Variants in TRPV1 observed in about 807,000 individuals in gnomAD.
The protein encoded by TRPV1 is OTRPC1.
In TRPV1, 82 loss-of-function variants were observed where a neutral mutation model predicts 82.3. The observed-to-expected ratio is 1.00, with a 90% confidence interval of 0.83 to 1.20. The LOEUF is 1.20. TRPV1 is among the 50% of genes most tolerant of loss of function. The pLI is 0.00. For synonymous variants in TRPV1, 515 were observed against 467.7 expected, an observed-to-expected ratio of 1.10 and a Z score of -1.30; for missense variants, 1,067 against 1,096.8, an observed-to-expected ratio of 0.97 and a Z score of 0.38.
intron 2 of TRPV1, among the ~76,000 whole-genome samples, chr17:3,598,808 C>A (rs893240893): frequency 2.0e-5 from 3 of 150,580 alleles, no homozygotes; most frequent in African/African-American, 7.3e-5. Flanking sequence ...CTCAAGTGAT[C>A]CACCTGCCTC....
At chr17:3,599,223 G>A (rs1257423936) in intron 2 of TRPV1, among the ~76,000 whole-genome samples, 3 of 151,984 alleles carry the variant, frequency 2.0e-5, no homozygotes, top group African/African-American at 7.3e-5. Flanking sequence ...TCGGCAACAA[G>A]AGCGAAACTC....
chr17:3,590,751 C>T (rs1423904101), intron 5 of TRPV1, among the ~76,000 whole-genome samples: 1 of 152,094 alleles, frequency 6.6e-6, no homozygotes, highest in African/African-American at 2.4e-5. Flanking sequence ...AGAGAGGAGA[C>T]ATCAGATCGG....
chr17:3,571,278 G>T (rs1238125750), intron 16 of TRPV1, among the ~76,000 whole-genome samples: 3 of 152,216 alleles, frequency 2.0e-5, no homozygotes, highest in Admixed American at 2.0e-4. Context: ...GGCTGGAGGT[G>T]CTGGCACAGC....
At chr17:3,596,635 A>G (rs886407728) in intron 2 of TRPV1, among the ~76,000 whole-genome samples, 2 of 152,166 alleles carry the variant, frequency 1.3e-5, no homozygotes, top group African/African-American at 4.8e-5. Context: ...CAGGAGCAAC[A>G]AGAACAAACC....
chr17:3,589,114 G>C, intron 7 of TRPV1: 1 of 714,416 alleles, frequency 1.4e-6, no homozygotes, highest in South Asian at 1.7e-5. Context: ...ACCAGCTGGA[G>C]CTGGGAGCTG....
At position 3,585,884 on chromosome 17, in the gene TRPV1, G is replaced by C. The variant is rs772021954; in HGVS notation, c.1267C>G (p.Leu423Val). ...MLLVEPLNRL[L>V]QDKWDRFVKR... Reference sequence around the variant, plus strand: ...ACGAATCTGTCCCACTTGTCCTGCAGGAGTCGGTTCAGCGGCTCCACCAAG... The same window carrying C: ...ACGAATCTGTCCCACTTGTCCTGCACGAGTCGGTTCAGCGGCTCCACCAAG... Residue 423 changes from leucine to valine, a missense_variant, in exon 9 of 17, where the codon CTG becomes GTG. Leu to Val is a conservative substitution (Grantham distance 32). Coordinates refer to ENST00000572705, the MANE Select transcript of TRPV1 (RefSeq NM_080704.4). 14 of 1,613,828 alleles carry C rather than the reference G, an allele frequency of 8.7e-6. No individual in the cohort carries two copies. Among genetic ancestry groups the C allele is most frequent in the African/African-American group, 1.3e-5 (1 of 74,918 alleles).
intron 11 of TRPV1, 50 bp from the exon 12 acceptor site, chr17:3,577,813 G>A (rs1344404237): frequency 6.5e-7 from 1 of 1,541,196 alleles, no homozygotes; most frequent in Non-Finnish European, 8.8e-7. Context: ...CAGGAGGCCT[G>A]GCACCCCCAG....
chr17:3,599,180 A>C (rs2075243974), intron 2 of TRPV1, among the ~76,000 whole-genome samples: 1 of 152,044 alleles, frequency 6.6e-6, no homozygotes. Flanking sequence ...TGGAGGTTGC[A>C]GTGAACCAAG....
chr17:3,570,326 C>T (rs1274449156), intron 16 of TRPV1, among the ~76,000 whole-genome samples: 6 of 150,260 alleles, frequency 4.0e-5, no homozygotes, highest in African/African-American at 1.2e-4. Context: ...ACCCAGATCA[C>T]GCCACTGCAC....
chr17:3,596,532 A>G (rs913531370), intron 2 of TRPV1, among the ~76,000 whole-genome samples: 1 of 151,982 alleles, frequency 6.6e-6, no homozygotes, highest in Non-Finnish European at 1.5e-5. Context: ...GCGCTCGTCC[A>G]CTCCACAGAG....
intron 2 of TRPV1, among the ~76,000 whole-genome samples, chr17:3,596,765 G>A (rs770643835): frequency 8.5e-5 from 13 of 152,334 alleles, no homozygotes; most frequent in South Asian, 4.1e-4. Flanking sequence ...ACTACCCCCC[G>A]TTTTCAGATA....
chr17:3,593,913 T>G (rs1373499840), intron 2 of TRPV1, among the ~76,000 whole-genome samples: 1 of 151,628 alleles, frequency 6.6e-6, no homozygotes, highest in Non-Finnish European at 1.5e-5. Context: ...TCACCTGAGG[T>G]CAGGAGTTCG....
chr17:3,582,025 C>T lies in TRPV1; in HGVS notation c.1476+1313G>A, dbSNP rs1462785335. Among the ~76,000 whole-genome samples, 3 of 146,068 alleles carry T rather than the reference C, an allele frequency of 2.1e-5. 1 individual carries two copies. The highest frequency in any genetic ancestry group is 5.0e-5 in the African/African-American group (2 of 39,756). The stretch of plus-strand genomic sequence containing the variant: ...CTAACACGGTGAAACCCCGTCTCTA[C>T]TAAAAATACAAAAAATTAGCCGGGC... On this transcript the variant is annotated intron_variant, in intron 10 of 16. Transcript: ENST00000572705.
intron 16 of TRPV1, among the ~76,000 whole-genome samples, chr17:3,567,650 G>A (rs970400255): frequency 6.6e-6 from 1 of 151,820 alleles, no homozygotes; most frequent in Non-Finnish European, 1.5e-5. Flanking sequence ...GAGCAACGCC[G>A]AGGCCTGTCC....
Position 3,592,251 on chromosome 17 carries a change from G to A in TRPV1, c.100C>T (p.Pro34Ser), listed in dbSNP as rs755131423. 3 of 1,609,422 alleles carry A rather than the reference G, an allele frequency of 1.9e-6. No homozygotes were observed. The change falls in exon 3 of 17, where the codon CCT becomes TCT. Residue 34 changes from proline (P) to serine (S), a missense_variant. Physicochemically the swap from Pro to Ser is moderately conservative, Grantham distance 74. Transcript: ENST00000572705. ...GTGGAGAGCTGGGGCTTGGCTGGAG[G>A]TGGCCTGGAGTTAGGGTCTCCATCC... ...PLDGDPNSRP[P>S]PAKPQLSTAK...
chr17:3,591,885 A>G (rs1597544894), intron 3 of TRPV1, among the ~76,000 whole-genome samples, 182 bp downstream of exon 3: 1 of 152,158 alleles, frequency 6.6e-6, no homozygotes, highest in African/African-American at 2.4e-5. Context: ...CAGCACAGAC[A>G]CCAGCCCCCG....
At chr17:3,572,058 C>T (rs1200464904) in intron 15 of TRPV1, 64 bp downstream of exon 15, 7 of 1,578,200 alleles carry the variant, frequency 4.4e-6, no homozygotes, top group South Asian at 2.3e-5. Flanking sequence ...CTGAGGCAGG[C>T]TCTGTGTCCA....
At chr17:3,595,639 G>T (rs199932227) in intron 2 of TRPV1, 6 of 152,210 alleles carry the variant, frequency 3.9e-5, no homozygotes, top group Non-Finnish European at 8.8e-5. Flanking sequence ...GGGGCTGCTC[G>T]TTAGGCAGCC....
intron 2 of TRPV1, among the ~76,000 whole-genome samples, chr17:3,607,757 A>C (rs543461154): frequency 3.3e-5 from 5 of 151,990 alleles, no homozygotes; most frequent in Non-Finnish European, 7.4e-5. Context: ...GGTTGGTTTC[A>C]AACTCCTGAT....
Sources: allele counts gnomAD v4.1 joint callset (sites outside exome capture counted in the v4.1 genomes callset), GRCh38; gene constraint gnomAD v4.1.1; transcripts MANE v1.5; gene names NCBI Gene and HGNC (gene_info 2026-07-23, HGNC 2026-07-21).